Variants in XKR8 observed in about 807,000 individuals in gnomAD.
The protein encoded by XKR8 is XK-related protein 8.
In XKR8, 10 loss-of-function variants were observed where a neutral mutation model predicts 17.1. That is an observed-to-expected ratio of 0.59 (90% CI 0.36 to 0.99). The LOEUF (loss-of-function observed/expected upper bound fraction) is 0.99, where lower values mean the gene tolerates loss of function less well. Ranked by LOEUF, XKR8 falls within the 50% of genes least tolerant of loss-of-function variation. The pLI is 0.01. For synonymous variants in XKR8, 213 were observed against 251.9 expected, an observed-to-expected ratio of 0.85 and a Z score of 1.46; for missense variants, 411 against 515.6, an observed-to-expected ratio of 0.80 and a Z score of 1.96.
chr1:27,961,501 C>CG (rs1400889694), intron 1 of XKR8, among the ~76,000 whole-genome samples: 1 of 152,144 alleles, frequency 6.6e-6, no homozygotes, highest in Non-Finnish European at 1.5e-5. Context: ...CAGAAAACCC[C>CG]GGGTGGGCAT....
In XKR8 at chr1:27,963,702, A is replaced by G. The variant is rs549460024; in HGVS notation, c.490+9A>G. On this transcript the variant is annotated intron_variant, in intron 2 of 2. Transcript: ENST00000373884. ...GGCTGAGTACTACCAGTGTGAGTGA[A>G]GGCCTGTGGCTGGCCCCCCTGTCGT... The G allele has an allele frequency of 4.8e-5, 74 of 1,537,430 alleles. 1 individual carries two copies. The highest frequency in any genetic ancestry group is 6.2e-5 in the Non-Finnish European group (71 of 1,137,794).
Position 27,967,091 on chromosome 1 carries a change from T to G in XKR8, c.1079T>G (p.Leu360Arg). The G allele has an allele frequency of 6.2e-7, 1 of 1,614,064 alleles. No homozygotes were observed. Among genetic ancestry groups the G allele is most frequent in the Non-Finnish European group, 8.5e-7 (1 of 1,179,940 alleles). The change falls in exon 3 of 3, where the codon CTG becomes CGG. Residue 360 changes from leucine to arginine, a missense_variant. Leu to Arg is a moderately radical substitution (Grantham distance 102). Transcript: ENST00000373884. This position sits in a 1 kb window ranked among gnomAD's most constrained non-coding sequence, Gnocchi z 4.3. Reference sequence around the variant, plus strand: ...GACCAGGTAGACGGGGCCCGGAGTCTGCTTTCTCCAGAGGGGTATCAGCTG... The same window carrying G: ...GACCAGGTAGACGGGGCCCGGAGTCGGCTTTCTCCAGAGGGGTATCAGCTG... ...DPDQVDGARS[L>R]LSPEGYQLPQ...
chr1:27,966,842 C>T lies in XKR8; in HGVS notation c.830C>T (p.Ala277Val). 3 of 1,614,044 alleles carry T rather than the reference C, an allele frequency of 1.9e-6. No homozygotes were observed. The highest frequency in any genetic ancestry group is 2.5e-6 in the Non-Finnish European group (3 of 1,179,986). The part of the protein sequence containing the change: ...TILYFSWFNV[A>V]EGRTRGRAII... ...CTCTATTTCTCCTGGTTCAACGTGG[C>T]TGAGGGCCGCACCCGAGGCCGGGCC... Residue 277 changes from alanine to valine, a missense_variant, in exon 3 of 3, where the codon GCT becomes GTT. By Grantham distance (64) the Ala-to-Val change is moderately conservative. Coordinates refer to ENST00000373884, the MANE Select transcript of XKR8 (RefSeq NM_018053.4). The surrounding 1 kb of genome is among the most constrained non-coding windows in gnomAD (Gnocchi z 4.3).
chr1:27,960,037 G>C lies in XKR8; in HGVS notation c.-33G>C. 1 of 1,380,938 alleles carries C rather than the reference G, an allele frequency of 7.2e-7. No individual in the cohort carries two copies. The highest frequency in any genetic ancestry group is 9.3e-7 in the Non-Finnish European group (1 of 1,072,626). 85.5% of individuals were successfully genotyped at this position (1,380,938 alleles called of 1,614,324 possible). A position where few individuals can be genotyped will look rare whatever the true frequency, so the allele number is the denominator to read the frequency against. The stretch of plus-strand genomic sequence containing the variant: ...GGCCCTGAGGGCAGGCCCCAACCGC[G>C]GAGGAGCAGGAGAGGGCGGAGGCCG... On this transcript the variant is annotated 5_prime_UTR_variant, in exon 1 of 3. Transcript: ENST00000373884. This position sits in a 1 kb window ranked among gnomAD's most constrained non-coding sequence, Gnocchi z 5.9.
At chr1:27,964,509 T>C (rs763972878) in intron 2 of XKR8, among the ~76,000 whole-genome samples, 1 of 151,958 alleles carries the variant, frequency 6.6e-6, no homozygotes, top group Non-Finnish European at 1.5e-5. Flanking sequence ...CAAGAAACAA[T>C]ATATTGAATG....
Position 27,966,948 on chromosome 1 carries a change from C to T in XKR8, c.936C>T (p.Ser312=), listed in dbSNP as rs372722629. The change falls in exon 3 of 3, where the codon AGC becomes AGT. Residue 312 remains serine, a synonymous_variant. Coordinates refer to ENST00000373884, the MANE Select transcript of XKR8 (RefSeq NM_018053.4). This position sits in a 1 kb window ranked among gnomAD's most constrained non-coding sequence, Gnocchi z 4.3. ...TGACTCATAGCTCCTGGCTGCCCAG[C>T]GGGATTCCACTGCAGCTGTGGCTGC... is the stretch of plus-strand genomic sequence containing the variant. The part of the protein sequence containing the change: ...TWVTHSSWLP[S]GIPLQLWLPV... The T allele has an allele frequency of 1.7e-5, 28 of 1,614,214 alleles. No individual in the cohort carries two copies. The highest frequency in any genetic ancestry group is 5.0e-5 in the Admixed American group (3 of 60,032).
Position 27,960,137 on chromosome 1 carries a change from T to G in XKR8, c.68T>G (p.Phe23Cys). Reference sequence around the variant, plus strand: ...CTGGGCGTGCTGGGCACCGCCGCCTTCCTGCTCGACCTGGGCACCGACCTG... The same window carrying G: ...CTGGGCGTGCTGGGCACCGCCGCCTGCCTGCTCGACCTGGGCACCGACCTG... ...LVLGVLGTAA[F>C]LLDLGTDLWA... The change falls in exon 1 of 3, where the codon TTC becomes TGC. Residue 23 changes from phenylalanine (F) to cysteine (C), a missense_variant. Transcript: ENST00000373884. The surrounding 1 kb of genome is among the most constrained non-coding windows in gnomAD (Gnocchi z 5.9). 1 of 1,521,474 alleles carries G rather than the reference T, an allele frequency of 6.6e-7. No homozygotes were observed. The highest frequency in any genetic ancestry group is 8.8e-7 in the Non-Finnish European group (1 of 1,141,660). The allele number at this position is 1,521,474 out of a possible 1,614,324, so 94.2% of individuals were successfully genotyped here. A position where few individuals can be genotyped will look rare whatever the true frequency, so the allele number is the denominator to read the frequency against.
At chr1:27,964,425 G>A (rs758140182) in intron 2 of XKR8, among the ~76,000 whole-genome samples, 15 of 152,114 alleles carry the variant, frequency 9.9e-5, no homozygotes, top group Non-Finnish European at 1.9e-4. Flanking sequence ...TGCACAGGTC[G>A]CTTGAGGCCA....
chr1:27,967,068 C>G lies in XKR8; in HGVS notation c.1056C>G (p.Asp352Glu), dbSNP rs1204007199. 4 of 1,613,964 alleles carry G rather than the reference C, an allele frequency of 2.5e-6. No individual in the cohort carries two copies. Among genetic ancestry groups the G allele is most frequent in the Non-Finnish European group, 3.4e-6 (4 of 1,179,968 alleles). The change falls in exon 3 of 3, where the codon GAC becomes GAG. Residue 352 changes from aspartate (D) to glutamate (E), a missense_variant. Transcript: ENST00000373884. The surrounding 1 kb of genome is among the most constrained non-coding windows in gnomAD (Gnocchi z 4.3). ...GCTGCTGCTGGAAGCCCGACCCTGACCAGGTAGACGGGGCCCGGAGTCTGC... is the reference window on the plus strand; with the variant it reads ...GCTGCTGCTGGAAGCCCGACCCTGAGCAGGTAGACGGGGCCCGGAGTCTGC... ...HPSCCWKPDP[D>E]QVDGARSLLS... is the part of the protein sequence containing the mutation.
chr1:27,963,267 G>A lies in XKR8; in HGVS notation c.294-230G>A, dbSNP rs559989641. On this transcript the variant is annotated intron_variant, in intron 1 of 2. Coordinates refer to ENST00000373884, the MANE Select transcript of XKR8 (RefSeq NM_018053.4). Reference sequence around the variant, plus strand: ...AATCTCCTGAACTCGTGATCAGCCCGCCTCAGACTCCCAAAGTGCTGGGAT... The same window carrying A: ...AATCTCCTGAACTCGTGATCAGCCCACCTCAGACTCCCAAAGTGCTGGGAT... 5.3e-5 allele frequency among the ~76,000 whole-genome samples: 8 copies of A among 152,288 alleles called. No individual in the cohort carries two copies. In the South Asian group the frequency reaches 8.3e-4, roughly 16 times the overall value.
chr1:27,963,203 G>A (rs1557505614), intron 1 of XKR8, among the ~76,000 whole-genome samples: 1 of 151,976 alleles, frequency 6.6e-6, no homozygotes, highest in Non-Finnish European at 1.5e-5. Context: ...TTTTGTATTA[G>A]TAGAGACGAG....
rs1638451157 is a variant in XKR8 at position 27,960,551 on chromosome 1, T to TTC, written c.293+191_293+192dup. 6.6e-6 allele frequency among the ~76,000 whole-genome samples: 1 copy of TTC among 152,196 alleles called. No homozygotes were observed. The highest frequency in any genetic ancestry group is 2.4e-5 in the African/African-American group (1 of 41,458). On this transcript the variant is annotated intron_variant, in intron 1 of 2. Transcript: ENST00000373884. The surrounding 1 kb of genome is among the most constrained non-coding windows in gnomAD (Gnocchi z 5.9). ...AGGGAATCCCGGTAGACTGCCTTCA[T>TTC]TCTAGCCCTAGCTTTCCTGGCACAG... is the stretch of plus-strand genomic sequence containing the variant.
chr1:27,967,207 G>C lies in XKR8; in HGVS notation c.*7G>C. 1 of 1,534,396 alleles carries C rather than the reference G, an allele frequency of 6.5e-7. No individual in the cohort carries two copies. Among genetic ancestry groups the C allele is most frequent in the South Asian group, 1.3e-5 (1 of 77,532 alleles). Reference sequence around the variant, plus strand: ...TTCGCCAGTGAAGGGATAGGTGAACGGCGTCCTTTGAAGCAGGATCAGACC... The same window carrying C: ...TTCGCCAGTGAAGGGATAGGTGAACCGCGTCCTTTGAAGCAGGATCAGACC... On this transcript the variant is annotated 3_prime_UTR_variant, in exon 3 of 3. Transcript: ENST00000373884. This position sits in a 1 kb window ranked among gnomAD's most constrained non-coding sequence, Gnocchi z 4.3.
rs1161696352 is a variant in XKR8, at chr1:27,960,117, C to G, written c.48C>G (p.Gly16=). 6.6e-7 allele frequency: 1 copy of G among 1,514,408 alleles called. No individual in the cohort carries two copies. Among genetic ancestry groups the G allele is most frequent in the South Asian group, 1.2e-5 (1 of 81,550 alleles). The allele number at this position is 1,514,408 out of a possible 1,614,324, so 93.8% of individuals were successfully genotyped here. Residue 16 remains glycine (G), a synonymous_variant, in exon 1 of 3, where the codon GGC becomes GGG. Coordinates refer to ENST00000373884, the MANE Select transcript of XKR8 (RefSeq NM_018053.4). This position sits in a 1 kb window ranked among gnomAD's most constrained non-coding sequence, Gnocchi z 5.9. ...RGALLRDLVL[G]VLGTAAFLLD... Reference sequence around the variant, plus strand: ...CCCTCCTTCGGGACCTGGTCCTGGGCGTGCTGGGCACCGCCGCCTTCCTGC... The same window carrying G: ...CCCTCCTTCGGGACCTGGTCCTGGGGGTGCTGGGCACCGCCGCCTTCCTGC...
intron 1 of XKR8, among the ~76,000 whole-genome samples, chr1:27,961,765 G>T (rs931566691): frequency 3.3e-5 from 5 of 152,226 alleles, no homozygotes; most frequent in African/African-American, 1.2e-4. Flanking sequence ...CTGCTCCTCA[G>T]TGTGTTCTTG....
intron 1 of XKR8, among the ~76,000 whole-genome samples, chr1:27,961,122 C>T (rs561174992): frequency 6.6e-6 from 1 of 152,352 alleles, no homozygotes; most frequent in South Asian, 2.1e-4. Flanking sequence ...ATTCTTCCCC[C>T]TGAAACTTGG....
In XKR8 at chr1:27,966,600, C is replaced by A. The variant is rs749309596; in HGVS notation, c.588C>A (p.Gly196=). Residue 196 remains glycine, a synonymous_variant, in exon 3 of 3, where the codon GGC becomes GGA. Transcript: ENST00000373884. The surrounding 1 kb of genome is among the most constrained non-coding windows in gnomAD (Gnocchi z 4.3). The stretch of plus-strand genomic sequence containing the variant: ...GCCTCCCCTCCAAGCCGCTCCTGGG[C>A]CTGGGCTCCTCCGTGATCTACTTCC... The part of the protein sequence containing the change: ...RTCLPSKPLL[G]LGSSVIYFLW... The A allele has an allele frequency of 6.2e-7, 1 of 1,614,142 alleles. No homozygotes were observed. Among genetic ancestry groups the A allele is most frequent in the Non-Finnish European group, 8.5e-7 (1 of 1,180,016 alleles).
At chr1:27,962,939 T>C (rs957816743) in intron 1 of XKR8, among the ~76,000 whole-genome samples, 7 of 152,318 alleles carry the variant, frequency 4.6e-5, no homozygotes, top group African/African-American at 1.4e-4. Context: ...AATGGGCTTT[T>C]GTGAGAAGTA....
chr1:27,967,113 G>C lies in XKR8; in HGVS notation c.1101G>C (p.Gln367His). 3 of 1,613,328 alleles carry C rather than the reference G, an allele frequency of 1.9e-6. No homozygotes were observed. The highest frequency in any genetic ancestry group is 2.5e-6 in the Non-Finnish European group (3 of 1,179,456). Residue 367 changes from glutamine (Q) to histidine (H), a missense_variant, in exon 3 of 3, where the codon CAG becomes CAC. Gln to His is a conservative substitution (Grantham distance 24). Transcript: ENST00000373884. The surrounding 1 kb of genome is among the most constrained non-coding windows in gnomAD (Gnocchi z 4.3). ...GTCTGCTTTCTCCAGAGGGGTATCA[G>C]CTGCCTCAGAACAGGCGCATGACCC... ...ARSLLSPEGY[Q>H]LPQNRRMTHL... is the part of the protein sequence containing the mutation.
Sources: gnomAD v4.1 joint callset for allele counts (sites outside exome capture counted in the v4.1 genomes callset) on GRCh38, gnomAD v4.1.1 for gene constraint, Gnocchi (gnomAD v3.1) non-coding constraint, MANE v1.5 for transcripts, NCBI Gene and HGNC (gene_info 2026-07-23, HGNC 2026-07-21) for gene names.